The following NXPH1 variants were observed in gnomAD, a reference collection of about 807,000 sequenced individuals.
The protein encoded by NXPH1 is neurexophilin-1.
Under a neutral mutation model 23.7 loss-of-function variants are expected in NXPH1, and 5 were observed. The observed-to-expected ratio is 0.21, with a 90% CI of 0.11 to 0.44. NXPH1 has a LOEUF of 0.44. Ranked by LOEUF, NXPH1 falls within the 20% of genes least tolerant of loss-of-function variation. The pLI, the probability that NXPH1 is intolerant of heterozygous loss-of-function variation, is 0.99. For synonymous variants in NXPH1, 144 were observed against 122.2 expected (o/e 1.18, Z -1.18); for missense variants, 324 against 321.6 (o/e 1.01, Z -0.06).
At chr7:8,729,095 C>T in intron 2 of NXPH1, among the ~76,000 whole-genome samples, 1 of 152,090 alleles carries the variant, frequency 6.6e-6, no homozygotes, top group Non-Finnish European at 1.5e-5. Flanking sequence ...GGAATTTATC[C>T]ATTTCTTCTA....
At chr7:8,607,107 C>G (rs957181795) in intron 2 of NXPH1, among the ~76,000 whole-genome samples, 1 of 152,020 alleles carries the variant, frequency 6.6e-6, no homozygotes, top group Non-Finnish European at 1.5e-5. Flanking sequence ...GGGACCAATA[C>G]AGTTTAAATT....
At position 8,751,061 on chromosome 7, in the gene NXPH1, AAGC is replaced by A. The variant is rs771431295; in HGVS notation, c.113_115del (p.Ser38del). The A allele has an allele frequency of 6.2e-7, 1 of 1,613,860 alleles. No homozygotes were observed. On this transcript the variant is annotated inframe_deletion, in exon 3 of 3. Transcript: ENST00000405863. This position sits in a 1 kb window ranked among gnomAD's most constrained non-coding sequence, Gnocchi z 4.5. ...GAAAGTCAGAACTTCTGAAATCAGG[AAGC>A]AGCAAATCCACACTAAAGCACATAT... is the stretch of plus-strand genomic sequence containing the variant.
chr7:8,500,104 A>G (rs1039719724), intron 2 of NXPH1, among the ~76,000 whole-genome samples: 1 of 152,098 alleles, frequency 6.6e-6, no homozygotes, highest in South Asian at 2.1e-4. Context: ...GCATCCAGGT[A>G]TAAACTCACA....
chr7:8,478,580 C>G (rs972959348), intron 2 of NXPH1, among the ~76,000 whole-genome samples: 1 of 151,918 alleles, frequency 6.6e-6, no homozygotes, highest in African/African-American at 2.4e-5. Flanking sequence ...GAGAACAGAA[C>G]AAATTCTAAA....
intron 2 of NXPH1, among the ~76,000 whole-genome samples, chr7:8,595,467 A>T (rs1440653102): frequency 6.6e-6 from 1 of 152,066 alleles, no homozygotes; most frequent in Non-Finnish European, 1.5e-5. Context: ...GGTAAAATAT[A>T]TTGTAAACAT....
chr7:8,614,428 A>ATGTC (rs1819689153), intron 2 of NXPH1, among the ~76,000 whole-genome samples: 2 of 151,870 alleles, frequency 1.3e-5, no homozygotes, highest in South Asian at 4.1e-4. Context: ...ATAGACATAT[A>ATGTC]TGTCTGTATG....
At chr7:8,725,468 C>T (rs1359208052) in intron 2 of NXPH1, among the ~76,000 whole-genome samples, 20 of 136,746 alleles carry the variant, frequency 1.5e-4, no homozygotes, top group African/African-American at 5.5e-4. Context: ...CCAACCTGGG[C>T]AACAGAGTGA....
At chr7:8,723,889 A>C (rs1156403602) in intron 2 of NXPH1, among the ~76,000 whole-genome samples, 1 of 152,352 alleles carries the variant, frequency 6.6e-6, no homozygotes, top group East Asian at 1.9e-4. Context: ...ATGTGCAAAA[A>C]TCCTGAGACT....
At chr7:8,708,088 G>A (rs970262) in intron 2 of NXPH1, among the ~76,000 whole-genome samples, 100,705 of 151,964 alleles carry the variant, frequency 0.66, 33,744 homozygotes, top group East Asian at 0.91. Flanking sequence ...ATAACATGCT[G>A]TTACAAAGGA....
rs1816322621 is a variant in NXPH1 at position 8,442,664 on chromosome 7, G to T, written c.54+6897G>T. On this transcript the variant is annotated intron_variant, in intron 2 of 2. Coordinates refer to ENST00000405863, the MANE Select transcript of NXPH1 (RefSeq NM_152745.3). This position sits in a 1 kb window ranked among gnomAD's most constrained non-coding sequence, Gnocchi z 4.6. The stretch of plus-strand genomic sequence containing the variant: ...CCGCTGACCAAAGCCGCAGTGTTCA[G>T]GCCCCGGGGTTTCCCAGCCGTAGTG... 6.6e-6 allele frequency among the ~76,000 whole-genome samples: 1 copy of T among 152,230 alleles called. No homozygotes were observed. The highest frequency in any genetic ancestry group is 1.5e-5 in the Non-Finnish European group (1 of 68,042).
chr7:8,560,269 T>C (rs1009620010), intron 2 of NXPH1, among the ~76,000 whole-genome samples: 2 of 151,754 alleles, frequency 1.3e-5, no homozygotes, highest in Admixed American at 1.3e-4. Flanking sequence ...CATACTATAA[T>C]GCAGATGTGC....
At chr7:8,613,851 A>G (rs1190155815) in intron 2 of NXPH1, among the ~76,000 whole-genome samples, 2 of 151,892 alleles carry the variant, frequency 1.3e-5, no homozygotes, top group East Asian at 1.9e-4. Context: ...TTAAAAATCT[A>G]TGAAAATCAT....
intron 2 of NXPH1, among the ~76,000 whole-genome samples, chr7:8,693,155 C>G (rs982963944): frequency 2.0e-5 from 3 of 152,014 alleles, no homozygotes; most frequent in African/African-American, 7.3e-5. Context: ...AAAACAAAAA[C>G]CAAGAAACAA....
chr7:8,600,295 A>G (rs917696783), intron 2 of NXPH1, among the ~76,000 whole-genome samples: 1 of 152,138 alleles, frequency 6.6e-6, no homozygotes, highest in Admixed American at 6.5e-5. Context: ...GCTAATTTGG[A>G]AACCTGAAAT....
chr7:8,501,284 G>T (rs971984331), intron 2 of NXPH1, among the ~76,000 whole-genome samples: 1 of 152,022 alleles, frequency 6.6e-6, no homozygotes, highest in Non-Finnish European at 1.5e-5. Context: ...ACCGTAGTTT[G>T]TTACTGAGTA....
intron 2 of NXPH1, among the ~76,000 whole-genome samples, chr7:8,711,134 C>T (rs569080541): frequency 6.6e-6 from 1 of 152,116 alleles, no homozygotes; most frequent in Non-Finnish European, 1.5e-5. Flanking sequence ...AAAGGGTGAA[C>T]CATTTCCAAG....
intron 2 of NXPH1, among the ~76,000 whole-genome samples, chr7:8,539,624 A>G (rs567693527): frequency 6.6e-6 from 1 of 151,866 alleles, no homozygotes; most frequent in Non-Finnish European, 1.5e-5. Flanking sequence ...GTATTGGATG[A>G]TAGAATTTTT....
chr7:8,696,242 A>G (rs1209254397), intron 2 of NXPH1, among the ~76,000 whole-genome samples: 1 of 152,240 alleles, frequency 6.6e-6, no homozygotes, highest in Non-Finnish European at 1.5e-5. Flanking sequence ...AATTTTCTCC[A>G]GGAAATCCTA....
chr7:8,586,684 G>A (rs1818988171), intron 2 of NXPH1, among the ~76,000 whole-genome samples: 1 of 151,784 alleles, frequency 6.6e-6, no homozygotes, highest in African/African-American at 2.4e-5. Flanking sequence ...TTCACATACT[G>A]TAAGTTGGAG....
Sources: gnomAD v4.1 joint callset for allele counts (sites outside exome capture counted in the v4.1 genomes callset) on GRCh38, gnomAD v4.1.1 for gene constraint, Gnocchi (gnomAD v3.1) non-coding constraint, MANE v1.5 for transcripts, NCBI Gene and HGNC (gene_info 2026-07-23, HGNC 2026-07-21) for gene names.